RMST: variants seen among roughly 807,000 people sequenced by gnomAD.
RMST encodes the protein long intergenic non-protein coding RNA 54.
chr12:97,469,729 G>A (rs573364772), intron 5 of RMST, among the ~76,000 whole-genome samples: 13 of 152,130 alleles, frequency 8.5e-5, no homozygotes, highest in Admixed American at 7.9e-4. Flanking sequence ...TCCTAGGCTT[G>A]TTCAAGATGT....
At chr12:97,549,983 A>T (rs1367353516) in intron 11 of RMST, among the ~76,000 whole-genome samples, 5 of 152,344 alleles carry the variant, frequency 3.3e-5, no homozygotes, top group Admixed American at 1.3e-4. Context: ...CCCGTTTTAT[A>T]TGCCAAGAGG....
chr12:97,482,653 TA>T (rs1875478553), intron 5 of RMST, among the ~76,000 whole-genome samples: 1 of 144,604 alleles, frequency 6.9e-6, no homozygotes, highest in Non-Finnish European at 1.5e-5. Context: ...ATTATTTATT[TA>T]ATAAATTTAT....
intron 5 of RMST, among the ~76,000 whole-genome samples, chr12:97,474,110 T>C (rs1286414805): frequency 6.6e-6 from 1 of 152,038 alleles, no homozygotes; most frequent in African/African-American, 2.4e-5. Context: ...ACCCTTTTAT[T>C]GGGGGCAGGG....
At chr12:97,487,090 A>C (rs1433360087) in intron 5 of RMST, among the ~76,000 whole-genome samples, 1 of 152,212 alleles carries the variant, frequency 6.6e-6, no homozygotes, top group African/African-American at 2.4e-5. Context: ...AAGGTTTCCT[A>C]AGAAAAGAAT....
intron 5 of RMST, among the ~76,000 whole-genome samples, chr12:97,481,078 G>C (rs562199499): frequency 6.6e-6 from 1 of 152,198 alleles, no homozygotes; most frequent in African/African-American, 2.4e-5. Context: ...GAACTGGAAC[G>C]ATCTTTGTCT....
At chr12:97,506,745 G>A (rs1352179947) in intron 10 of RMST, among the ~76,000 whole-genome samples, 5 of 143,078 alleles carry the variant, frequency 3.5e-5, no homozygotes, top group African/African-American at 1.1e-4. Flanking sequence ...GTGCAATGGC[G>A]CAATCTCCGC....
At chr12:97,545,205 A>C (rs1349414) in intron 11 of RMST, among the ~76,000 whole-genome samples, 39,913 of 151,938 alleles carry the variant, frequency 0.26, 6,674 homozygotes, top group African/African-American at 0.47. Flanking sequence ...AACTAGCAAC[A>C]ATCATCATCA....
chr12:97,524,987 T>G (rs1249000533), intron 10 of RMST, among the ~76,000 whole-genome samples: 2 of 152,208 alleles, frequency 1.3e-5, no homozygotes, highest in Non-Finnish European at 2.9e-5. Context: ...TAAGCCCCAT[T>G]AGAGGCCCTT....
At chr12:97,521,703 C>A (rs1377636561) in intron 10 of RMST, among the ~76,000 whole-genome samples, 4 of 152,072 alleles carry the variant, frequency 2.6e-5, no homozygotes, top group African/African-American at 9.7e-5. Flanking sequence ...AATAACTGTG[C>A]AGGAAGGAAA....
chr12:97,517,332 T>C (rs1009443357), intron 10 of RMST, among the ~76,000 whole-genome samples: 1 of 151,908 alleles, frequency 6.6e-6, no homozygotes, highest in Non-Finnish European at 1.5e-5. Context: ...ATTTTTCAAA[T>C]ATTATATAAG....
intron 10 of RMST, among the ~76,000 whole-genome samples, chr12:97,529,810 C>T (rs1238798514): frequency 2.6e-5 from 4 of 151,990 alleles, no homozygotes; most frequent in Non-Finnish European, 4.4e-5. Context: ...GTATATCAAT[C>T]GATCAATAGA....
At chr12:97,536,523 T>C (rs1031956325) in intron 11 of RMST, among the ~76,000 whole-genome samples, 2 of 151,474 alleles carry the variant, frequency 1.3e-5, no homozygotes, top group African/African-American at 4.8e-5. Context: ...TCAGTCTAAA[T>C]CCATCTCTAT....
At position 97,518,390 on chromosome 12, in the gene RMST, C is replaced by G. The variant is rs961648739; in HGVS notation, n.1341-12265C>G. Among the ~76,000 whole-genome samples the G allele has an allele frequency of 8.5e-5, 13 of 152,264 alleles. 1 individual carries two copies. The Middle Eastern group carries it at 0.017, about 199-fold the overall frequency. On this transcript the variant is annotated intron_variant and non_coding_transcript_variant, in intron 10 of 13. Transcript: ENST00000640149. ...TTCTTGCCCACAGTTTCTTCCTGCT[C>G]TCTCAACCCTCCCTTCTTAAAGTCC...
chr12:97,514,271 T>C (rs1034042200), intron 10 of RMST, among the ~76,000 whole-genome samples: 1 of 152,228 alleles, frequency 6.6e-6, no homozygotes, highest in Non-Finnish European at 1.5e-5. Context: ...AACATCCTTA[T>C]GGGTTTCTGA....
intron 11 of RMST, among the ~76,000 whole-genome samples, chr12:97,545,738 T>A (rs901599833): frequency 6.6e-6 from 1 of 151,990 alleles, no homozygotes; most frequent in African/African-American, 2.4e-5. Context: ...ATATGGCAGG[T>A]TATGGGATTG....
At chr12:97,479,187 T>C (rs1874925279) in intron 5 of RMST, among the ~76,000 whole-genome samples, 1 of 133,244 alleles carries the variant, frequency 7.5e-6, no homozygotes, top group African/African-American at 2.9e-5. Flanking sequence ...TTGCCCAGCC[T>C]GGAGTGCAGT....
intron 5 of RMST, among the ~76,000 whole-genome samples, chr12:97,480,079 T>C (rs1875053286): frequency 9.0e-6 from 1 of 111,072 alleles, no homozygotes; most frequent in African/African-American, 3.4e-5. Flanking sequence ...TTTCTTTTCT[T>C]TTCTTTTTTC....
At chr12:97,484,955 C>T (rs61943697) in intron 5 of RMST, among the ~76,000 whole-genome samples, 1 of 152,120 alleles carries the variant, frequency 6.6e-6, no homozygotes, top group South Asian at 2.1e-4. Context: ...GGGTCAGACA[C>T]GTAGAAGACT....
At chr12:97,508,724 C>G (rs1294216811) in intron 10 of RMST, among the ~76,000 whole-genome samples, 1 of 151,996 alleles carries the variant, frequency 6.6e-6, no homozygotes, top group Non-Finnish European at 1.5e-5. Context: ...AGCTTCAGAG[C>G]AGTAGAGGAA....
Sources: allele counts gnomAD v4.1 joint callset (sites outside exome capture counted in the v4.1 genomes callset), GRCh38; gene constraint gnomAD v4.1.1; transcripts MANE v1.5; gene names NCBI Gene and HGNC (gene_info 2026-07-23, HGNC 2026-07-21).